Variants in TVP23B observed in about 807,000 individuals in gnomAD.
TVP23B encodes trans-golgi network vesicle protein 23 homolog B, also known as Golgi apparatus membrane protein TVP23 homolog B.
In TVP23B, 10 loss-of-function variants were observed where a neutral mutation model predicts 30.6. The observed-to-expected ratio is 0.33, with a 90% CI of 0.20 to 0.55. The LOEUF (loss-of-function observed/expected upper bound fraction) is 0.55, where lower values mean the gene tolerates loss of function less well. Among genes scored for constraint, TVP23B ranks in the 20% least tolerant of loss-of-function variants. TVP23B has a pLI of 0.91. For missense variants in TVP23B, 153 were observed against 243.2 expected (o/e 0.63, Z 2.47); for synonymous variants, 67 against 83.1 (o/e 0.81, Z 1.06).
chr17:18,792,666 G>A (rs1319273621), intron 3 of TVP23B, among the ~76,000 whole-genome samples: 8 of 152,072 alleles, frequency 5.3e-5, no homozygotes, highest in Non-Finnish European at 1.2e-4. Context: ...TAAAAAATGC[G>A]ATCAAAATAG....
rs9915565 is a variant in TVP23B at position 18,783,915 on chromosome 17, A to C, written c.12+2610A>C. Among the ~76,000 whole-genome samples the C allele has an allele frequency of 7.9e-5, 12 of 152,010 alleles. No individual in the cohort carries two copies. The South Asian group carries it at 2.5e-3, about 32-fold the overall frequency. Reference sequence around the variant, plus strand: ...TAATCCCAGCACTTTGGGAGGCCGAAGCGGGTGGATCACGAGGTCAGGAGA... The same window carrying C: ...TAATCCCAGCACTTTGGGAGGCCGACGCGGGTGGATCACGAGGTCAGGAGA... On this transcript the variant is annotated intron_variant, in intron 1 of 6. Transcript: ENST00000307767.
chr17:18,805,335 C>T (rs1366403632), intron 6 of TVP23B, among the ~76,000 whole-genome samples: 10 of 152,016 alleles, frequency 6.6e-5, no homozygotes, highest in East Asian at 5.8e-4. Flanking sequence ...CCACCCTCCT[C>T]GGCCTCCCAA....
chr17:18,804,451 C>G, intron 6 of TVP23B, 185 bp downstream of exon 6: 3 of 1,255,446 alleles, frequency 2.4e-6, no homozygotes, highest in African/African-American at 1.6e-5. Flanking sequence ...TGTCAGTATC[C>G]TAAAATTATT....
chr17:18,792,184 C>G (rs1391146818), intron 3 of TVP23B, among the ~76,000 whole-genome samples: 1 of 151,900 alleles, frequency 6.6e-6, no homozygotes, highest in East Asian at 1.9e-4. Flanking sequence ...CAGGCATGCA[C>G]CACCACGCCT....
chr17:18,793,443 T>TAAAAAAA (rs67506831), intron 3 of TVP23B, among the ~76,000 whole-genome samples: 1 of 100,258 alleles, frequency 1.0e-5, no homozygotes, highest in Non-Finnish European at 2.0e-5. Context: ...CCATCTCTGC[T>TAAAAAAA]AAAAAAAAAA....
chr17:18,791,552 C>T (rs2035994879), intron 3 of TVP23B, among the ~76,000 whole-genome samples: 1 of 152,084 alleles, frequency 6.6e-6, no homozygotes, highest in South Asian at 2.1e-4. Context: ...TTGTCAGTGT[C>T]CAAAAATGTT....
chr17:18,797,958 C>T (rs983052827), intron 4 of TVP23B, among the ~76,000 whole-genome samples: 24 of 150,844 alleles, frequency 1.6e-4, no homozygotes, highest in African/African-American at 5.8e-4. Flanking sequence ...TCTGTGTTGC[C>T]TTTGTTAGTG....
chr17:18,798,513 A>G (rs1193017911), intron 4 of TVP23B, among the ~76,000 whole-genome samples: 4 of 151,816 alleles, frequency 2.6e-5, no homozygotes, highest in Non-Finnish European at 4.4e-5. Flanking sequence ...GAGCTTCCTT[A>G]TGAATAAATA....
At chr17:18,795,700 G>T (rs1284965108) in intron 3 of TVP23B, 2 of 152,154 alleles carry the variant, frequency 1.3e-5, no homozygotes, top group African/African-American at 2.4e-5. Flanking sequence ...AGTTATATGT[G>T]TAGTAGTTCC....
intron 5 of TVP23B, among the ~76,000 whole-genome samples, chr17:18,800,962 G>A (rs1429878816): frequency 2.0e-5 from 3 of 152,146 alleles, no homozygotes; most frequent in Non-Finnish European, 4.4e-5. Context: ...GATAAGTTAG[G>A]GGACAGTAAA....
intron 2 of TVP23B, among the ~76,000 whole-genome samples, chr17:18,790,392 A>AGGTGAAGT (rs2035972258): frequency 6.9e-6 from 1 of 144,970 alleles, no homozygotes; most frequent in Non-Finnish European, 1.5e-5. Context: ...TGAACCCAGG[A>AGGTGAAGT]GGTGAAGTTT....
intron 6 of TVP23B, among the ~76,000 whole-genome samples, 171 bp from the exon 7 acceptor site, chr17:18,805,370 C>T (rs867906752): frequency 1.3e-5 from 2 of 152,192 alleles, no homozygotes; most frequent in Admixed American, 6.5e-5. Flanking sequence ...AGGTGTAAGC[C>T]ACGGCGCCCA....
At position 18,789,610 on chromosome 17, in the gene TVP23B, A is replaced by G. The variant is rs1352699976; in HGVS notation, c.95+175A>G. ...GATGACATTTCAGATTTTCTTGTGAATAATTGGCATACTTAATACTGAGTT... is the reference window on the plus strand; with the variant it reads ...GATGACATTTCAGATTTTCTTGTGAGTAATTGGCATACTTAATACTGAGTT... On this transcript the variant is annotated intron_variant, in intron 2 of 6. Transcript: ENST00000307767. The G allele has an allele frequency of 3.3e-5, 25 of 754,456 alleles. No homozygotes were observed. The East Asian group carries it at 6.6e-4, about 20-fold the overall frequency. The allele number at this position is 754,456 out of a possible 1,614,324, so 46.7% of individuals were successfully genotyped here.
chr17:18,795,414 G>A (rs1431443353), intron 3 of TVP23B, among the ~76,000 whole-genome samples: 1 of 152,044 alleles, frequency 6.6e-6, no homozygotes, highest in Non-Finnish European at 1.5e-5. Flanking sequence ...TGTATCAGTT[G>A]CCTCCTTCCT....
At chr17:18,805,100 T>C (rs1444203866) in intron 6 of TVP23B, among the ~76,000 whole-genome samples, 5 of 144,262 alleles carry the variant, frequency 3.5e-5, no homozygotes, top group African/African-American at 2.6e-5. Context: ...TTTTTTTTTT[T>C]TTTCTTGAGA....
At position 18,804,175 on chromosome 17, in the gene TVP23B, A is replaced by C; in HGVS notation, c.500A>C (p.Asn167Thr). 1.2e-6 allele frequency: 2 copies of C among 1,613,586 alleles called. No individual in the cohort carries two copies. Among genetic ancestry groups the C allele is most frequent in the Non-Finnish European group, 1.7e-6 (2 of 1,179,766 alleles). ...ATGGGTGTGGTGCTACAAGGTGCCA[A>C]CCTGTATGGTTACATCAGGTGTAAG... ...VIMGVVLQGA[N>T]LYGYIRCKVR... The change falls in exon 6 of 7, where the codon AAC becomes ACC. Residue 167 changes from asparagine to threonine, a missense_variant. Physicochemically the swap from Asn to Thr is moderately conservative, Grantham distance 65. Around this residue, in one of 3 missense-constraint regions of TVP23B, gnomAD observed 62 missense variants for 74.3 expected, o/e 0.83. Coordinates refer to ENST00000307767, the MANE Select transcript of TVP23B (RefSeq NM_016078.6).
At chr17:18,782,736 A>G (rs2035827590) in intron 1 of TVP23B, among the ~76,000 whole-genome samples, 1 of 152,024 alleles carries the variant, frequency 6.6e-6, no homozygotes, top group African/African-American at 2.4e-5. Context: ...TGATGTTGCC[A>G]TGGCATTTGT....
At chr17:18,789,330 T>C (rs1353042127) in intron 1 of TVP23B, 23 bp from the exon 2 acceptor site, 4 of 1,613,976 alleles carry the variant, frequency 2.5e-6, no homozygotes, top group Middle Eastern at 1.7e-4. Context: ...TTTTGCTTCT[T>C]GACCATTTAT....
Position 18,781,190 on chromosome 17 carries a change from T to C in TVP23B, c.-104T>C. On this transcript the variant is annotated 5_prime_UTR_variant, in exon 1 of 7. Coordinates refer to ENST00000307767, the MANE Select transcript of TVP23B (RefSeq NM_016078.6). Reference sequence around the variant, plus strand: ...TGAGGCCGGACTGAGGCTCTTACAGTGGTCCCTGCTGGCCCTTGGTGACGG... The same window carrying C: ...TGAGGCCGGACTGAGGCTCTTACAGCGGTCCCTGCTGGCCCTTGGTGACGG... The C allele has an allele frequency of 2.0e-6, 3 of 1,516,802 alleles. No homozygotes were observed. The highest frequency in any genetic ancestry group is 1.2e-5 in the South Asian group (1 of 81,812). 94.0% of individuals were successfully genotyped at this position (1,516,802 alleles called of 1,614,324 possible).
Sources: gnomAD v4.1 joint callset for allele counts (sites outside exome capture counted in the v4.1 genomes callset) on GRCh38, gnomAD v4.1.1 for gene constraint, gnomAD v4.1.1 regional missense constraint, MANE v1.5 for transcripts, NCBI Gene and HGNC (gene_info 2026-07-23, HGNC 2026-07-21) for gene names.